USPL1: variants seen among roughly 807,000 people sequenced by gnomAD.
USPL1 encodes the protein SUMO-specific isopeptidase USPL1.
USPL1 carries 27 observed loss-of-function variants against 51.5 expected under a neutral mutation model. The ratio of observed to expected loss-of-function variants is 0.52; its 90% CI spans 0.39 to 0.72. USPL1 has a LOEUF of 0.72. USPL1 is among the 30% of genes least tolerant of loss of function. The pLI is 0.00. For missense variants in USPL1, 1,226 were observed against 1,268.0 expected (o/e 0.97, Z 0.50); for synonymous variants, 451 against 459.6 (o/e 0.98, Z 0.24).
At chr13:30,622,945 T>C (rs1449005123) in intron 3 of USPL1, among the ~76,000 whole-genome samples, 1 of 152,134 alleles carries the variant, frequency 6.6e-6, no homozygotes, top group Non-Finnish European at 1.5e-5. Context: ...GCAGATACAA[T>C]GTTAGGATAC....
chr13:30,627,018 C>T (rs1006988469), intron 3 of USPL1, among the ~76,000 whole-genome samples: 6 of 151,826 alleles, frequency 4.0e-5, no homozygotes, highest in Non-Finnish European at 7.4e-5. Context: ...TATAAGAAGA[C>T]ATGGTATGTT....
chr13:30,631,842 GT>G (rs1054610049), intron 4 of USPL1, among the ~76,000 whole-genome samples: 12 of 152,202 alleles, frequency 7.9e-5, no homozygotes, highest in African/African-American at 2.9e-4. Context: ...CTCCCAGCAT[GT>G]GGGAAAGATG....
At chr13:30,626,218 G>T (rs989422085) in intron 3 of USPL1, among the ~76,000 whole-genome samples, 1 of 152,154 alleles carries the variant, frequency 6.6e-6, no homozygotes, top group Non-Finnish European at 1.5e-5. Flanking sequence ...GGAGGCTGAG[G>T]CAGGAGAGTC....
At chr13:30,636,828 A>G (rs1593374017) in intron 4 of USPL1, among the ~76,000 whole-genome samples, 1 of 152,240 alleles carries the variant, frequency 6.6e-6, no homozygotes, top group Admixed American at 6.5e-5. Context: ...TGAGCCCAGG[A>G]GTTAATGACC....
rs574371913 is a variant in USPL1, at chr13:30,655,032, G to A, written c.1396+1727G>A. 2.0e-5 allele frequency among the ~76,000 whole-genome samples: 3 copies of A among 151,562 alleles called. No homozygotes were observed. The East Asian group carries it at 5.8e-4, about 30-fold the overall frequency. On this transcript the variant is annotated intron_variant, in intron 8 of 8. Transcript: ENST00000255304. Reference sequence around the variant, plus strand: ...TGTCTCACCACCACGTCTGCCTCCCGGGTTCAAGTGATTCTCCTGCCTCAT... The same window carrying A: ...TGTCTCACCACCACGTCTGCCTCCCAGGTTCAAGTGATTCTCCTGCCTCAT...
rs749402247 is a variant in USPL1 at position 30,621,758 on chromosome 13, T to C, written c.100-6T>C. The C allele has an allele frequency of 6.8e-7, 1 of 1,479,584 alleles. No individual in the cohort carries two copies. Among genetic ancestry groups the C allele is most frequent in the South Asian group, 1.5e-5 (1 of 67,442 alleles). 91.7% of individuals were successfully genotyped at this position (1,479,584 alleles called of 1,614,324 possible). A position where few individuals can be genotyped will look rare whatever the true frequency, so the allele number is the denominator to read the frequency against. ...TATATTTTAATTTGCTTTATTTCTC[T>C]TTTAGAATTTTGATTCAGCTAAAGT... On this transcript the variant is annotated splice_region_variant and splice_polypyrimidine_tract_variant and intron_variant, in intron 2 of 8. Coordinates refer to ENST00000255304, the MANE Select transcript of USPL1 (RefSeq NM_005800.5).
Position 30,644,097 on chromosome 13 carries a change from A to G in USPL1, c.1112+1340A>G, listed in dbSNP as rs182886165. On this transcript the variant is annotated intron_variant, in intron 6 of 8. Transcript: ENST00000255304. ...CAGGAGTTTGAGACCAGCCTGGCCA[A>G]CATGGTGAAACGCTGTCTCTACTGA... 2.6e-5 allele frequency among the ~76,000 whole-genome samples: 4 copies of G among 151,990 alleles called. No homozygotes were observed. In the East Asian group the frequency reaches 7.8e-4, roughly 30 times the overall value.
chr13:30,651,910 T>A (rs550740214), intron 7 of USPL1, among the ~76,000 whole-genome samples: 1 of 151,808 alleles, frequency 6.6e-6, no homozygotes, highest in African/African-American at 2.4e-5. Context: ...AAGCTGAGAT[T>A]GCACCACTGC....
chr13:30,641,665 A>G lies in USPL1; in HGVS notation c.983-963A>G, dbSNP rs557571714. Among the ~76,000 whole-genome samples the G allele has an allele frequency of 4.6e-5, 7 of 151,666 alleles. No individual in the cohort carries two copies. The East Asian group carries it at 7.7e-4, about 17-fold the overall frequency. On this transcript the variant is annotated intron_variant, in intron 5 of 8. Transcript: ENST00000255304. ...AGCATTCACTGTTCAGTTATTTTCA[A>G]TGACAACAAGATTCAAATCTTCAGT...
At chr13:30,647,717 C>T (rs932626546) in intron 7 of USPL1, among the ~76,000 whole-genome samples, 19 of 152,108 alleles carry the variant, frequency 1.2e-4, no homozygotes, top group African/African-American at 4.1e-4. Context: ...TCAGTCTAAT[C>T]GTACATTAAG....
chr13:30,646,467 T>C (rs1272414526), intron 6 of USPL1, among the ~76,000 whole-genome samples: 1 of 152,230 alleles, frequency 6.6e-6, no homozygotes, highest in Non-Finnish European at 1.5e-5. Context: ...GTTTGAGTTA[T>C]TTGAGTAAGG....
At chr13:30,642,899 T>C in intron 6 of USPL1, 142 bp downstream of exon 6, 1 of 963,730 alleles carries the variant, frequency 1.0e-6, no homozygotes, top group Non-Finnish European at 1.5e-6. Context: ...GATAGACTGC[T>C]AGTAGGATAT....
Position 30,637,911 on chromosome 13 carries a change from T to C in USPL1, c.982+54T>C, listed in dbSNP as rs1365282640. The stretch of plus-strand genomic sequence containing the variant: ...TATACTCATCTACCATATAGAAATA[T>C]GTACCTCATAAGGAAATATAATACT... On this transcript the variant is annotated intron_variant, in intron 5 of 8. Transcript: ENST00000255304. The C allele has an allele frequency of 3.2e-6, 4 of 1,267,210 alleles. No individual in the cohort carries two copies. In the South Asian group the frequency reaches 4.9e-5, roughly 15 times the overall value. 78.5% of individuals were successfully genotyped at this position (1,267,210 alleles called of 1,614,324 possible).
At chr13:30,650,822 T>C (rs984067259) in intron 7 of USPL1, among the ~76,000 whole-genome samples, 3 of 151,856 alleles carry the variant, frequency 2.0e-5, no homozygotes, top group African/African-American at 7.3e-5. Flanking sequence ...AAACCCCATC[T>C]CTACTAAAAA....
Position 30,631,371 on chromosome 13 carries a change from G to C in USPL1, c.765G>C (p.Val255=). The C allele has an allele frequency of 6.2e-7, 1 of 1,614,222 alleles. No individual in the cohort carries two copies. Among genetic ancestry groups the C allele is most frequent in the South Asian group, 1.1e-5 (1 of 91,078 alleles). Residue 255 remains valine (V), a synonymous_variant, in exon 4 of 9, where the codon GTG becomes GTC. Transcript: ENST00000255304. ...LVHSEELKNT[V]TGLCSKEESI... ...ACTCGGAAGAGTTAAAGAACACCGT[G>C]ACTGGACTGTGCTCGAAGGAGGAAT...
At chr13:30,648,615 T>C (rs1417740982) in intron 7 of USPL1, among the ~76,000 whole-genome samples, 3 of 152,210 alleles carry the variant, frequency 2.0e-5, no homozygotes, top group African/African-American at 7.2e-5. Context: ...CCCGTTCTGC[T>C]GGGTAAGGTG....
At chr13:30,635,310 T>C (rs948336993) in intron 4 of USPL1, among the ~76,000 whole-genome samples, 1 of 152,188 alleles carries the variant, frequency 6.6e-6, no homozygotes, top group African/African-American at 2.4e-5. Context: ...AAATTTCTCA[T>C]TCAGTTGGAA....
At chr13:30,628,287 G>C (rs1222768921) in intron 3 of USPL1, among the ~76,000 whole-genome samples, 3 of 151,830 alleles carry the variant, frequency 2.0e-5, no homozygotes, top group Non-Finnish European at 4.4e-5. Context: ...TATTTCACTT[G>C]GCATAATGGC....
rs369493969 is a variant in USPL1, at chr13:30,646,787, A to G, written c.1113-145A>G. 8.5e-5 allele frequency: 68 copies of G among 801,952 alleles called. No homozygotes were observed. The East Asian group carries it at 1.4e-3, about 16-fold the overall frequency. 49.7% of individuals were successfully genotyped at this position (801,952 alleles called of 1,614,324 possible). The stretch of plus-strand genomic sequence containing the variant: ...TTCACAGAGCTTCTTTACTAGAGGT[A>G]GGGAGGAACATTGCCATATTAACAT... On this transcript the variant is annotated intron_variant, in intron 6 of 8. Coordinates refer to ENST00000255304, the MANE Select transcript of USPL1 (RefSeq NM_005800.5).
Sources: allele counts gnomAD v4.1 joint callset (sites outside exome capture counted in the v4.1 genomes callset), GRCh38; gene constraint gnomAD v4.1.1; transcripts MANE v1.5; gene names NCBI Gene and HGNC (gene_info 2026-07-23, HGNC 2026-07-21).